ZNF79: variants seen among roughly 807,000 people sequenced by gnomAD.
ZNF79 encodes the protein zinc finger protein 79.
A neutral mutation model predicts 14.9 loss-of-function variants in ZNF79; 13 were observed. That is an observed-to-expected ratio of 0.87 (90% CI 0.57 to 1.38). ZNF79 has a LOEUF of 1.38. Among genes scored for constraint, ZNF79 ranks in the 40% most tolerant of loss-of-function variants. The probability of loss-of-function intolerance (pLI) is 0.00; values close to 1 mark genes in which losing one functional copy is unlikely to be tolerated. For missense variants in ZNF79, 631 were observed against 630.6 expected (o/e 1.00, Z -0.01); for synonymous variants, 223 against 235.1 (o/e 0.95, Z 0.47).
intron 1 of ZNF79, among the ~76,000 whole-genome samples, chr9:127,427,763 CT>C (rs1439980086): frequency 4.6e-5 from 7 of 152,098 alleles, no homozygotes; most frequent in African/African-American, 1.2e-4. Flanking sequence ...ATCTCGAACT[CT>C]TGGGCTCCCT....
intron 4 of ZNF79, among the ~76,000 whole-genome samples, chr9:127,439,105 C>G (rs953448071): frequency 2.2e-5 from 1 of 46,312 alleles, no homozygotes; most frequent in African/African-American, 8.7e-5. Context: ...AAGCGAGACT[C>G]TGTCACAAAA....
chr9:127,441,974 G>A (rs1330034708), intron 4 of ZNF79, among the ~76,000 whole-genome samples: 10 of 151,930 alleles, frequency 6.6e-5, no homozygotes, highest in African/African-American at 1.7e-4. Context: ...AAAATTAGCC[G>A]GGTGTGGTGG....
chr9:127,434,005 G>T (rs907526965), intron 2 of ZNF79, among the ~76,000 whole-genome samples: 4 of 152,150 alleles, frequency 2.6e-5, no homozygotes, highest in African/African-American at 9.7e-5. Context: ...TTGCCTGAGG[G>T]ATAAAAGCAT....
intron 1 of ZNF79, 104 bp downstream of exon 1, chr9:127,424,907 A>G: frequency 2.5e-6 from 4 of 1,571,278 alleles, no homozygotes; most frequent in Non-Finnish European, 3.5e-6. Context: ...TATCTCTCCT[A>G]CAGGTAGTTG....
chr9:127,432,151 A>ATTT (rs34862357), intron 2 of ZNF79, among the ~76,000 whole-genome samples: 4 of 134,016 alleles, frequency 3.0e-5, no homozygotes, highest in Admixed American at 7.9e-5. Flanking sequence ...TTATTTTTAA[A>ATTT]TTTTTTTTTT....
Position 127,428,905 on chromosome 9 carries a change from C to T in ZNF79, c.90C>T (p.Leu30=), listed in dbSNP as rs1209933896. Residue 30 remains leucine (L), a synonymous_variant, in exon 2 of 5, where the codon CTC becomes CTT. Transcript: ENST00000342483. ...AGGAAGGAATGGCTGCTGGTCTCCT[C>T]ACAGCTGGGCCCCGGGTAAGTTGGA... The part of the protein sequence containing the change: ...TGEEGMAAGL[L]TAGPRGSTFF... The T allele has an allele frequency of 1.3e-6, 2 of 1,599,508 alleles. No individual in the cohort carries two copies.
In ZNF79 at chr9:127,444,955, T is replaced by C. The variant is rs752110649; in HGVS notation, c.1255T>C (p.Cys419Arg). 1 of 1,614,108 alleles carries C rather than the reference T, an allele frequency of 6.2e-7. No homozygotes were observed. The highest frequency in any genetic ancestry group is 1.1e-5 in the South Asian group (1 of 91,082). ...KTHTGEKPYKCNECGKFFSES... is the reference protein window; with the variant it reads ...KTHTGEKPYKRNECGKFFSES... ...CCACACCGGGGAGAAGCCATATAAATGTAATGAATGTGGGAAATTCTTCAG... is the reference window on the plus strand; with the variant it reads ...CCACACCGGGGAGAAGCCATATAAACGTAATGAATGTGGGAAATTCTTCAG... Residue 419 changes from cysteine (C) to arginine (R), a missense_variant, in exon 5 of 5, where the codon TGT (cysteine) becomes CGT (arginine). By Grantham distance (180) the Cys-to-Arg change is radical. Coordinates refer to ENST00000342483, the MANE Select transcript of ZNF79 (RefSeq NM_007135.3).
chr9:127,425,741 C>T (rs1407587543), intron 1 of ZNF79, among the ~76,000 whole-genome samples: 4 of 152,082 alleles, frequency 2.6e-5, no homozygotes, highest in African/African-American at 7.2e-5. Flanking sequence ...TACAGGTGCC[C>T]GACACCAAGT....
At chr9:127,438,335 G>A (rs1432039430) in intron 4 of ZNF79, among the ~76,000 whole-genome samples, 1 of 152,182 alleles carries the variant, frequency 6.6e-6, no homozygotes, top group Non-Finnish European at 1.5e-5. Context: ...ATTAGAGAAA[G>A]GACACAGAAC....
chr9:127,440,410 G>A (rs963298551), intron 4 of ZNF79, among the ~76,000 whole-genome samples: 5 of 152,196 alleles, frequency 3.3e-5, no homozygotes, highest in African/African-American at 1.2e-4. Context: ...CTTAATGTGG[G>A]AATGAGCTTG....
In ZNF79 at chr9:127,435,220, AGG is replaced by A; in HGVS notation, c.232+5_232+6del. The A allele has an allele frequency of 6.3e-7, 1 of 1,582,088 alleles. No individual in the cohort carries two copies. The highest frequency in any genetic ancestry group is 8.5e-7 in the Non-Finnish European group (1 of 1,170,102). ...TCCAGGAGCCTTGTCCTACTAGGTA[AGG>A]AAACTGTTTCTTTAAGATTTAGAAT... On this transcript the variant is annotated splice_donor_5th_base_variant and intron_variant, in intron 3 of 4. Transcript: ENST00000342483.
intron 4 of ZNF79, 91 bp downstream of exon 4, chr9:127,436,094 T>A: frequency 1.8e-6 from 2 of 1,100,824 alleles, no homozygotes; most frequent in Non-Finnish European, 2.8e-6. Flanking sequence ...ATAACAACTG[T>A]GAGGTAGGCG....
intron 2 of ZNF79, among the ~76,000 whole-genome samples, chr9:127,433,757 C>A (rs1471140022): frequency 6.6e-6 from 1 of 152,214 alleles, no homozygotes; most frequent in Admixed American, 6.5e-5. Context: ...CTAACAGACC[C>A]TTTCTTCCCA....
intron 3 of ZNF79, among the ~76,000 whole-genome samples, chr9:127,435,605 G>C (rs1477835736): frequency 1.3e-5 from 2 of 152,162 alleles, no homozygotes; most frequent in South Asian, 2.1e-4. Context: ...GGCTGGGTGA[G>C]GTGGCTCACA....
At chr9:127,437,311 C>T (rs1396513344) in intron 4 of ZNF79, among the ~76,000 whole-genome samples, 1 of 149,084 alleles carries the variant, frequency 6.7e-6, no homozygotes, top group Non-Finnish European at 1.5e-5. Flanking sequence ...GGGAGCCTCC[C>T]TGGCCCTGCT....
intron 2 of ZNF79, among the ~76,000 whole-genome samples, chr9:127,433,016 A>T (rs1270920757): frequency 6.6e-6 from 1 of 152,178 alleles, no homozygotes; most frequent in Non-Finnish European, 1.5e-5. Context: ...TCCTGACCGC[A>T]GGTGATCCAC....
chr9:127,441,794 A>G (rs1588077587), intron 4 of ZNF79, among the ~76,000 whole-genome samples: 2 of 152,076 alleles, frequency 1.3e-5, no homozygotes, highest in African/African-American at 4.8e-5. Context: ...AAATCCAAAA[A>G]ATTAGCCGGG....
intron 1 of ZNF79, 190 bp from the exon 2 acceptor site, chr9:127,428,642 A>T: frequency 1.6e-6 from 2 of 1,217,020 alleles, no homozygotes; most frequent in Non-Finnish European, 2.1e-6. Context: ...TGAACACTCT[A>T]ATGCCTCCCT....
chr9:127,441,537 C>T (rs1468730787), intron 4 of ZNF79, among the ~76,000 whole-genome samples: 2 of 152,178 alleles, frequency 1.3e-5, no homozygotes, highest in East Asian at 1.9e-4. Context: ...AACAGTTGGG[C>T]GTGGTGGCTC....
Sources: allele counts gnomAD v4.1 joint callset (sites outside exome capture counted in the v4.1 genomes callset), GRCh38; gene constraint gnomAD v4.1.1; transcripts MANE v1.5; gene names NCBI Gene and HGNC (gene_info 2026-07-23, HGNC 2026-07-21).